The following RPS6KC1 variants were observed in gnomAD, a reference collection of about 807,000 sequenced individuals.
The protein encoded by RPS6KC1 is inactive ribosomal protein S6 kinase delta-1.
RPS6KC1 carries 54 observed loss-of-function variants against 103.8 expected under a neutral mutation model. That is an observed-to-expected ratio of 0.52 (90% CI 0.42 to 0.65). RPS6KC1 has a LOEUF of 0.65. Ranked by LOEUF, RPS6KC1 falls within the 30% of genes least tolerant of loss-of-function variation. The probability of loss-of-function intolerance (pLI) is 0.00; values close to 1 mark genes in which losing one functional copy is unlikely to be tolerated. For missense variants in RPS6KC1, 1,151 were observed against 1,253.8 expected, an observed-to-expected ratio of 0.92 and a Z score of 1.24; for synonymous variants, 439 against 438.7, an observed-to-expected ratio of 1.00 and a Z score of -0.01.
intron 6 of RPS6KC1, among the ~76,000 whole-genome samples, chr1:213,145,681 C>A (rs527776765): frequency 1.3e-5 from 2 of 152,098 alleles, no homozygotes; most frequent in East Asian, 3.9e-4. Context: ...TAATTAGGCC[C>A]ACTCCCACAA....
the RPS6KC1 span, among the ~76,000 whole-genome samples, chr1:213,381,911 G>A: frequency 6.6e-6 from 1 of 152,210 alleles, no homozygotes; most frequent in Admixed American, 6.5e-5. Context: ...CCCTCGTGCA[G>A]CTTCTGTGAG....
At chr1:213,525,571 G>T in the RPS6KC1 span, among the ~76,000 whole-genome samples, 4 of 152,116 alleles carry the variant, frequency 2.6e-5, no homozygotes, top group Admixed American at 2.0e-4. Context: ...AAGAGAAAAG[G>T]TCCCAAGGTA....
chr1:213,486,756 A>G, the RPS6KC1 span, among the ~76,000 whole-genome samples: 3 of 152,306 alleles, frequency 2.0e-5, no homozygotes, highest in South Asian at 6.2e-4. Flanking sequence ...GCTGCCATGT[A>G]CCAGGCATGG....
At chr1:213,237,314 A>G (rs193015771) in intron 10 of RPS6KC1, among the ~76,000 whole-genome samples, 1 of 152,184 alleles carries the variant, frequency 6.6e-6, no homozygotes, top group African/African-American at 2.4e-5. Context: ...CTGTGTCTCA[A>G]TTTCCTCATC....
the RPS6KC1 span, among the ~76,000 whole-genome samples, chr1:213,787,830 CTG>C: frequency 2.6e-5 from 4 of 152,146 alleles, no homozygotes; most frequent in Non-Finnish European, 4.4e-5. Context: ...GCTCAATACA[CTG>C]TACTTCTATG....
chr1:213,125,349 TATC>T (rs1363485251), intron 5 of RPS6KC1, among the ~76,000 whole-genome samples: 1 of 152,158 alleles, frequency 6.6e-6, no homozygotes, highest in East Asian at 1.9e-4. Context: ...TATAATATTT[TATC>T]ATAAGGAGAT....
the RPS6KC1 span, among the ~76,000 whole-genome samples, chr1:213,690,271 T>C: frequency 1.3e-5 from 2 of 152,206 alleles, no homozygotes; most frequent in Non-Finnish European, 2.9e-5. Flanking sequence ...AAAGATATTC[T>C]CTATTTGTTT....
the RPS6KC1 span, among the ~76,000 whole-genome samples, chr1:213,600,419 G>C: frequency 2.0e-5 from 3 of 152,156 alleles, no homozygotes; most frequent in African/African-American, 7.2e-5. Flanking sequence ...AGAGGCATGA[G>C]ATATTGTCAT....
the RPS6KC1 span, among the ~76,000 whole-genome samples, chr1:213,325,726 G>A: frequency 1.3e-5 from 2 of 152,208 alleles, no homozygotes; most frequent in Non-Finnish European, 2.9e-5. Flanking sequence ...TGGAAGTTCC[G>A]GCAGCGCTCC....
chr1:213,381,265 C>G, the RPS6KC1 span, among the ~76,000 whole-genome samples: 6 of 152,238 alleles, frequency 3.9e-5, no homozygotes, highest in South Asian at 1.2e-3. Context: ...CCTGGTGAGG[C>G]TTGGGACGAG....
the RPS6KC1 span, among the ~76,000 whole-genome samples, chr1:213,371,044 G>A: frequency 2.0e-5 from 3 of 151,696 alleles, no homozygotes; most frequent in Non-Finnish European, 2.9e-5. Context: ...AGGTTGTGCA[G>A]CCAATCTCCA....
At chr1:213,056,897 A>C (rs1309068229) in intron 1 of RPS6KC1, among the ~76,000 whole-genome samples, 1 of 134,344 alleles carries the variant, frequency 7.4e-6, no homozygotes, top group Non-Finnish European at 1.6e-5. Context: ...TATGTCTTGT[A>C]TCTCCTCCGT....
the RPS6KC1 span, among the ~76,000 whole-genome samples, chr1:213,689,991 C>T: frequency 6.6e-6 from 1 of 152,146 alleles, no homozygotes; most frequent in Non-Finnish European, 1.5e-5. Context: ...TCCACATTTC[C>T]AAGCTCTCAT....
chr1:213,516,944 G>A, the RPS6KC1 span, among the ~76,000 whole-genome samples: 2 of 152,104 alleles, frequency 1.3e-5, no homozygotes, highest in African/African-American at 4.8e-5. Context: ...CTTCTTCCTG[G>A]TTTAGTCTTG....
rs2078936084 is a variant in RPS6KC1, at chr1:213,072,105, C to T, written c.141+1064C>T. On this transcript the variant is annotated intron_variant, in intron 2 of 14. Transcript: ENST00000366960. ...CTCCCTAATGTGTTTAAAACAGATA[C>T]TTTAAGTTTACAGTCCTGATTCTGC... 2.7e-5 allele frequency among the ~76,000 whole-genome samples: 4 copies of T among 150,538 alleles called. No individual in the cohort carries two copies. In the South Asian group the frequency reaches 8.3e-4, roughly 31 times the overall value.
the RPS6KC1 span, among the ~76,000 whole-genome samples, chr1:213,707,135 CA>C: frequency 6.6e-6 from 1 of 152,168 alleles, no homozygotes; most frequent in African/African-American, 2.4e-5. Flanking sequence ...CTGTCTTCCA[CA>C]ATGGTTGAAC....
chr1:213,103,822 A>T (rs1005009054), intron 3 of RPS6KC1, among the ~76,000 whole-genome samples: 3 of 152,226 alleles, frequency 2.0e-5, no homozygotes, highest in African/African-American at 7.2e-5. Flanking sequence ...ATCAGCATTC[A>T]AATTTTATGT....
the RPS6KC1 span, among the ~76,000 whole-genome samples, chr1:213,702,493 G>T: frequency 1.3e-5 from 2 of 151,912 alleles, no homozygotes; most frequent in African/African-American, 4.8e-5. Flanking sequence ...TGGAAGATCT[G>T]TCCAATTCTG....
chr1:213,735,427 T>G, the RPS6KC1 span, among the ~76,000 whole-genome samples: 1 of 152,224 alleles, frequency 6.6e-6, no homozygotes, highest in Non-Finnish European at 1.5e-5. Context: ...ATTAGACTTC[T>G]GCACCACCCT....
Sources: gnomAD v4.1 joint callset for allele counts (sites outside exome capture counted in the v4.1 genomes callset) on GRCh38, gnomAD v4.1.1 for gene constraint, MANE v1.5 for transcripts, NCBI Gene and HGNC (gene_info 2026-07-23, HGNC 2026-07-21) for gene names.